MAN1A2: variants seen among roughly 807,000 people sequenced by gnomAD.
The protein encoded by MAN1A2 is mannosyl-oligosaccharide 1,2-alpha-mannosidase IB.
A neutral mutation model predicts 75.7 loss-of-function variants in MAN1A2; 26 were observed. The ratio of observed to expected loss-of-function variants is 0.34; its 90% CI spans 0.25 to 0.48. MAN1A2 has a LOEUF of 0.48. Ranked by LOEUF, MAN1A2 falls within the 20% of genes least tolerant of loss-of-function variation. The pLI is 0.99. For missense variants in MAN1A2, 562 were observed against 775.5 expected, an observed-to-expected ratio of 0.72 and a Z score of 3.27; for synonymous variants, 247 against 264.6, an observed-to-expected ratio of 0.93 and a Z score of 0.65.
intron 12 of MAN1A2, among the ~76,000 whole-genome samples, chr1:117,522,298 T>C (rs557779436): frequency 6.6e-6 from 1 of 152,052 alleles, no homozygotes; most frequent in South Asian, 2.1e-4. Context: ...TAATATGTTA[T>C]GACTAAATGG....
intron 5 of MAN1A2, among the ~76,000 whole-genome samples, chr1:117,433,943 G>A (rs1648763729): frequency 6.6e-6 from 1 of 152,172 alleles, no homozygotes; most frequent in African/African-American, 2.4e-5. Context: ...TAGTTGCAGA[G>A]GAGGCTTGGA....
At chr1:117,402,001 ATC>A (rs1244276049) in intron 1 of MAN1A2, among the ~76,000 whole-genome samples, 183 bp from the exon 2 acceptor site, 2 of 152,162 alleles carry the variant, frequency 1.3e-5, no homozygotes, top group African/African-American at 4.8e-5. Flanking sequence ...GATCTTAGGC[ATC>A]CAGGGTTCCT....
At chr1:117,386,611 A>G (rs1218663578) in intron 1 of MAN1A2, among the ~76,000 whole-genome samples, 1 of 144,732 alleles carries the variant, frequency 6.9e-6, no homozygotes, top group Admixed American at 7.0e-5. Flanking sequence ...GCTGAGGATT[A>G]TTTCTCATTT....
chr1:117,406,407 T>A (rs1293264767), intron 3 of MAN1A2, among the ~76,000 whole-genome samples: 1 of 152,178 alleles, frequency 6.6e-6, no homozygotes. Context: ...AGTCACAAAC[T>A]AGTTATATGC....
chr1:117,509,029 G>GT (rs1466039047), intron 12 of MAN1A2, among the ~76,000 whole-genome samples: 2 of 151,240 alleles, frequency 1.3e-5, no homozygotes, highest in Admixed American at 1.3e-4. Context: ...CAATTGGAAA[G>GT]TTTTTTTCAA....
In MAN1A2 at chr1:117,526,705, A is replaced by G. The variant is rs1314108495; in HGVS notation, c.*3748A>G. Reference sequence around the variant, plus strand: ...GTCTGCTCTGGTATGGGCCCTATTAATAGTCCCATGCTGTTAAATATAAAG... The same window carrying G: ...GTCTGCTCTGGTATGGGCCCTATTAGTAGTCCCATGCTGTTAAATATAAAG... On this transcript the variant is annotated 3_prime_UTR_variant, in exon 13 of 13. Coordinates refer to ENST00000356554, the MANE Select transcript of MAN1A2 (RefSeq NM_006699.5). 6.6e-6 allele frequency: 1 copy of G among 151,208 alleles called. No individual in the cohort carries two copies. Among genetic ancestry groups the G allele is most frequent in the Non-Finnish European group, 1.5e-5 (1 of 67,600 alleles). The allele number at this position is 151,208 out of a possible 1,614,324, so 9.4% of individuals were successfully genotyped here. A position where few individuals can be genotyped will look rare whatever the true frequency, so the allele number is the denominator to read the frequency against.
intron 1 of MAN1A2, among the ~76,000 whole-genome samples, chr1:117,376,018 TCTC>T (rs1333764321): frequency 6.6e-6 from 1 of 151,890 alleles, no homozygotes; most frequent in African/African-American, 2.4e-5. Flanking sequence ...TTCACGCCAT[TCTC>T]CTGCCTCAGC....
At chr1:117,376,013 G>A (rs1034186427) in intron 1 of MAN1A2, among the ~76,000 whole-genome samples, 3 of 150,982 alleles carry the variant, frequency 2.0e-5, no homozygotes, top group African/African-American at 7.3e-5. Flanking sequence ...CTGGGTTCAC[G>A]CCATTCTCCT....
At chr1:117,442,826 T>C (rs1018203934) in intron 6 of MAN1A2, among the ~76,000 whole-genome samples, 1 of 151,954 alleles carries the variant, frequency 6.6e-6, no homozygotes, top group Non-Finnish European at 1.5e-5. Flanking sequence ...GTTTTTATTA[T>C]AGCATCTACA....
intron 6 of MAN1A2, among the ~76,000 whole-genome samples, chr1:117,456,693 C>A (rs1264906200): frequency 6.6e-6 from 1 of 151,932 alleles, no homozygotes; most frequent in East Asian, 1.9e-4. Flanking sequence ...TTAAATATTT[C>A]AGACCAGATA....
Position 117,523,110 on chromosome 1 carries a change from C to A in MAN1A2, c.*153C>A, listed in dbSNP as rs74372614. 203 of 815,890 alleles carry A rather than the reference C, an allele frequency of 2.5e-4. No individual in the cohort carries two copies. In the African/African-American group the frequency reaches 3.2e-3, roughly 13 times the overall value. The allele number at this position is 815,890 out of a possible 1,614,324, so 50.5% of individuals were successfully genotyped here. A position where few individuals can be genotyped will look rare whatever the true frequency, so the allele number is the denominator to read the frequency against. ...CCTAAGACTGTTCAACTTGTAGATA[C>A]ATCAACTTTGAAATTATTCCATTTT... On this transcript the variant is annotated 3_prime_UTR_variant, in exon 13 of 13. Coordinates refer to ENST00000356554, the MANE Select transcript of MAN1A2 (RefSeq NM_006699.5).
At chr1:117,494,120 G>A (rs1222388658) in intron 9 of MAN1A2, 1 of 152,064 alleles carries the variant, frequency 6.6e-6, no homozygotes, top group East Asian at 1.9e-4. Flanking sequence ...TTGCATTGCT[G>A]GTAATTGATG....
At chr1:117,455,723 G>A (rs1222238594) in intron 6 of MAN1A2, among the ~76,000 whole-genome samples, 7 of 151,904 alleles carry the variant, frequency 4.6e-5, no homozygotes, top group Non-Finnish European at 2.9e-5. Flanking sequence ...AAGGATAGAT[G>A]AGAATGTGTT....
chr1:117,402,535 T>A, intron 2 of MAN1A2, 94 bp downstream of exon 2: 1 of 1,234,850 alleles, frequency 8.1e-7, no homozygotes, highest in East Asian at 2.5e-5. Flanking sequence ...TTTTGATCTG[T>A]TTATTCTTGG....
chr1:117,460,235 T>C (rs1219024387), intron 6 of MAN1A2, among the ~76,000 whole-genome samples: 1 of 152,170 alleles, frequency 6.6e-6, no homozygotes, highest in Non-Finnish European at 1.5e-5. Context: ...AGTGATTTTC[T>C]GTGGAGCCTG....
chr1:117,429,444 C>CA (rs1648504121), intron 5 of MAN1A2, among the ~76,000 whole-genome samples: 2 of 130,074 alleles, frequency 1.5e-5, no homozygotes, highest in African/African-American at 5.8e-5. Flanking sequence ...TGACCCCCCC[C>CA]ACCTCCCTCC....
At chr1:117,464,739 G>C (rs1472892485) in intron 7 of MAN1A2, among the ~76,000 whole-genome samples, 3 of 152,118 alleles carry the variant, frequency 2.0e-5, no homozygotes, top group Non-Finnish European at 4.4e-5. Context: ...TTTGGTGAGG[G>C]AAGGGAATGA....
chr1:117,397,940 C>T (rs1267155026), intron 1 of MAN1A2, among the ~76,000 whole-genome samples: 1 of 152,152 alleles, frequency 6.6e-6, no homozygotes, highest in Non-Finnish European at 1.5e-5. Flanking sequence ...GTGTGAGCCA[C>T]CACACCCGGC....
intron 6 of MAN1A2, among the ~76,000 whole-genome samples, chr1:117,443,292 T>C (rs1454042087): frequency 6.6e-6 from 1 of 152,216 alleles, no homozygotes; most frequent in Non-Finnish European, 1.5e-5. Context: ...ATACTGAACA[T>C]TAAATCTAAC....
Sources: allele counts gnomAD v4.1 joint callset (sites outside exome capture counted in the v4.1 genomes callset), GRCh38; gene constraint gnomAD v4.1.1; transcripts MANE v1.5; gene names NCBI Gene and HGNC (gene_info 2026-07-23, HGNC 2026-07-21).